The following MRE11 variants were observed in gnomAD, a reference collection of about 807,000 sequenced individuals.
MRE11 encodes MRE11 double strand break repair nuclease, also known as double-strand break repair protein MRE11.
A neutral mutation model predicts 91.7 loss-of-function variants in MRE11; 62 were observed. That is an observed-to-expected ratio of 0.68 (90% CI 0.55 to 0.84). The LOEUF is 0.84. MRE11 is among the 40% of genes least tolerant of loss of function. MRE11 has a pLI of 0.00. For synonymous variants in MRE11, 273 were observed against 271.4 expected, an observed-to-expected ratio of 1.01 and a Z score of -0.06; for missense variants, 796 against 852.9, an observed-to-expected ratio of 0.93 and a Z score of 0.83.
intron 4 of MRE11, among the ~76,000 whole-genome samples, chr11:94,482,126 C>T (rs545240734): frequency 3.3e-5 from 5 of 152,286 alleles, no homozygotes; most frequent in African/African-American, 1.2e-4. Context: ...AAGACTGCAA[C>T]ATGTTAAGAA....
rs1945100690 is a variant in MRE11 at position 94,419,296 on chromosome 11, T to C, written c.*829A>G. 4.3e-6 allele frequency: 1 copy of C among 233,034 alleles called. No individual in the cohort carries two copies. Among genetic ancestry groups the C allele is most frequent in the Non-Finnish European group, 8.5e-6 (1 of 117,946 alleles). The allele number at this position is 233,034 out of a possible 1,614,324, so 14.4% of individuals were successfully genotyped here. A position where few individuals can be genotyped will look rare whatever the true frequency, so the allele number is the denominator to read the frequency against. ...CCACATTAAATATATTTCTATACTT[T>C]ACTGTAAGGTTCAACTGACCACTCT... On this transcript the variant is annotated 3_prime_UTR_variant, in exon 20 of 20. Coordinates refer to ENST00000323929, the MANE Select transcript of MRE11 (RefSeq NM_005591.4).
chr11:94,444,693 C>T (rs1256457349), intron 16 of MRE11, among the ~76,000 whole-genome samples: 1 of 152,182 alleles, frequency 6.6e-6, no homozygotes, highest in Non-Finnish European at 1.5e-5. Context: ...CACAACTCTA[C>T]TTGTGCAGCT....
At chr11:94,488,641 T>A (rs1375787796) in intron 3 of MRE11, among the ~76,000 whole-genome samples, 1 of 152,176 alleles carries the variant, frequency 6.6e-6, no homozygotes, top group Non-Finnish European at 1.5e-5. Context: ...AACCAGATAA[T>A]GTCCTTTGCA....
At chr11:94,489,061 T>C (rs1947218541) in intron 3 of MRE11, among the ~76,000 whole-genome samples, 1 of 152,032 alleles carries the variant, frequency 6.6e-6, no homozygotes. Flanking sequence ...AGATTTCCAC[T>C]CTCATGGAGT....
intron 8 of MRE11, 84 bp downstream of exon 8, chr11:94,471,490 T>G: frequency 7.4e-7 from 1 of 1,347,932 alleles, no homozygotes; most frequent in Non-Finnish European, 1.1e-6. Flanking sequence ...AGCGGTAACC[T>G]TAACATAGGC....
At chr11:94,488,663 G>A (rs1184134470) in intron 3 of MRE11, among the ~76,000 whole-genome samples, 1 of 152,184 alleles carries the variant, frequency 6.6e-6, no homozygotes, top group Admixed American at 6.5e-5. Context: ...GGACACGGAT[G>A]GAGCTGGAGG....
chr11:94,419,384 T>C lies in MRE11; in HGVS notation c.*741A>G, dbSNP rs886048754. 2.2e-5 allele frequency: 5 copies of C among 230,916 alleles called. No individual in the cohort carries two copies. The highest frequency in any genetic ancestry group is 4.3e-5 in the Non-Finnish European group (5 of 117,640). The allele number at this position is 230,916 out of a possible 1,614,324, so 14.3% of individuals were successfully genotyped here. A position where few individuals can be genotyped will look rare whatever the true frequency, so the allele number is the denominator to read the frequency against. ...TTAAAACAATTTTTAACCCGTTTCC[T>C]CCTAGAACTAGGCACGCATATATGT... On this transcript the variant is annotated 3_prime_UTR_variant, in exon 20 of 20. Coordinates refer to ENST00000323929, the MANE Select transcript of MRE11 (RefSeq NM_005591.4).
intron 19 of MRE11, among the ~76,000 whole-genome samples, chr11:94,421,801 C>T (rs1472914382): frequency 6.6e-6 from 1 of 152,106 alleles, no homozygotes; most frequent in Non-Finnish European, 1.5e-5. Flanking sequence ...ATAAGCCAGT[C>T]ACAAAAAGGC....
At chr11:94,461,231 G>T (rs531548996) in intron 11 of MRE11, among the ~76,000 whole-genome samples, 195 bp from the exon 12 acceptor site, 2 of 152,110 alleles carry the variant, frequency 1.3e-5, no homozygotes, top group Non-Finnish European at 2.9e-5. Context: ...AGTATTTCTC[G>T]TTCATACCTC....
Position 94,435,861 on chromosome 11 carries a change from A to C in MRE11, c.1965T>G (p.Ile655Met), listed in dbSNP as rs746850084. 1.1e-5 allele frequency: 18 copies of C among 1,613,856 alleles called. No individual in the cohort carries two copies. The change falls in exon 18 of 20, where the codon ATT becomes ATG. Residue 655 changes from isoleucine to methionine, a missense_variant. Physicochemically the swap from Ile to Met is conservative, Grantham distance 10. Transcript: ENST00000323929. ...GATCTGTCTTTGAAGTGGTAGGAAA[A>C]ATGTCTTCTTCCACATCTGATTCAT... ...EVDESDVEED[I>M]FPTTSKTDQR...
intron 14 of MRE11, among the ~76,000 whole-genome samples, chr11:94,455,789 AT>A (rs1221606147): frequency 6.6e-6 from 1 of 152,188 alleles, no homozygotes; most frequent in Non-Finnish European, 1.5e-5. Flanking sequence ...GTAAGATAAG[AT>A]TTTATCTATA....
At chr11:94,492,152 G>C (rs550099365) in intron 2 of MRE11, among the ~76,000 whole-genome samples, 1 of 151,154 alleles carries the variant, frequency 6.6e-6, no homozygotes, top group Non-Finnish European at 1.5e-5. Flanking sequence ...TTTTTTTTAC[G>C]ATCTCGGCTC....
chr11:94,485,290 A>G (rs186558231), intron 4 of MRE11, among the ~76,000 whole-genome samples: 1 of 152,266 alleles, frequency 6.6e-6, no homozygotes, highest in East Asian at 1.9e-4. Context: ...TATTTTTATA[A>G]TATAGGGATT....
At chr11:94,512,379 T>A in the MRE11 span, 1 of 718,500 alleles carries the variant, frequency 1.4e-6, no homozygotes, top group Non-Finnish European at 1.9e-6. Context: ...CCTTCTTTGG[T>A]GCGCGGAATA....
chr11:94,470,577 ACT>A lies in MRE11; in HGVS notation c.909_910del (p.Val304AlafsTer12). 1.9e-6 allele frequency: 3 copies of A among 1,613,366 alleles called. No individual in the cohort carries two copies. The highest frequency in any genetic ancestry group is 2.5e-6 in the Non-Finnish European group (3 of 1,179,454). On this transcript the variant is annotated frameshift_variant, in exon 9 of 20. Coordinates refer to ENST00000323929, the MANE Select transcript of MRE11 (RefSeq NM_005591.4). LOFTEE classifies it high-confidence loss of function. ...AATATCCTCCATGAAAAACTGCCGC[ACT>A]GTGTGAAGAGGAATTTTATGCATAT...
intron 18 of MRE11, among the ~76,000 whole-genome samples, chr11:94,431,011 A>C (rs1379148453): frequency 6.6e-6 from 1 of 152,186 alleles, no homozygotes. Flanking sequence ...CGAGCCTAAA[A>C]TACTCCTTAT....
chr11:94,485,474 A>G (rs778142700), intron 4 of MRE11, among the ~76,000 whole-genome samples: 2 of 152,058 alleles, frequency 1.3e-5, no homozygotes, highest in Non-Finnish European at 2.9e-5. Context: ...ATTAGAATAT[A>G]TAAGTAACTT....
intron 16 of MRE11, among the ~76,000 whole-genome samples, chr11:94,445,052 C>G (rs1487510523): frequency 6.6e-6 from 1 of 151,858 alleles, no homozygotes; most frequent in Non-Finnish European, 1.5e-5. Context: ...ATTTTTAGAC[C>G]ATAGGATATA....
At chr11:94,498,118 C>T (rs779280129), upstream of MRE11, 6 of 1,613,844 alleles carry the variant, frequency 3.7e-6, no homozygotes, top group Non-Finnish European at 5.1e-6. Context: ...CTCACGTGAA[C>T]ACTAGGGATG....
Sources: gnomAD v4.1 joint callset for allele counts (sites outside exome capture counted in the v4.1 genomes callset) on GRCh38, gnomAD v4.1.1 for gene constraint, MANE v1.5 for transcripts, NCBI Gene and HGNC (gene_info 2026-07-23, HGNC 2026-07-21) for gene names.